PPP4R1: variants seen among roughly 807,000 people sequenced by gnomAD.
PPP4R1 encodes the protein protein phosphatase 4 regulatory subunit 1.
Under a neutral mutation model 111.2 loss-of-function variants are expected in PPP4R1, and 42 were observed. The observed-to-expected ratio is 0.38, with a 90% CI of 0.29 to 0.49. PPP4R1 has a LOEUF of 0.49. Ranked by LOEUF, PPP4R1 falls within the 20% of genes least tolerant of loss-of-function variation. PPP4R1 has a pLI of 0.97. For synonymous variants in PPP4R1, 409 were observed against 405.5 expected (o/e 1.01, Z -0.10); for missense variants, 1,012 against 1,161.6 (o/e 0.87, Z 1.87).
rs145343338 is a variant in PPP4R1, at chr18:9,593,920, C to T, written c.189-46G>A. The T allele has an allele frequency of 3.6e-5, 52 of 1,459,774 alleles. No individual in the cohort carries two copies. The East Asian group carries it at 1.1e-3, about 32-fold the overall frequency. The allele number at this position is 1,459,774 out of a possible 1,614,324, so 90.4% of individuals were successfully genotyped here. On this transcript the variant is annotated intron_variant, in intron 3 of 19. Coordinates refer to ENST00000400556, the MANE Select transcript of PPP4R1 (RefSeq NM_001042388.3). ...TATGTATGTTCAATGGCATCAATAG[C>T]TAATATCCAGAATTTTAATTTTTTG...
intron 2 of PPP4R1, among the ~76,000 whole-genome samples, chr18:9,601,904 C>T (rs984646502): frequency 6.6e-6 from 1 of 152,146 alleles, no homozygotes; most frequent in African/African-American, 2.4e-5. Context: ...TGCTGCTAAA[C>T]ATAAACTAGG....
In PPP4R1 at chr18:9,601,355, C is replaced by T. The variant is rs145459434; in HGVS notation, c.53-6202G>A. On this transcript the variant is annotated intron_variant, in intron 2 of 19. Coordinates refer to ENST00000400556, the MANE Select transcript of PPP4R1 (RefSeq NM_001042388.3). ...CCTGGCCAACATGGTAAAACCCCTT[C>T]TCTACTAAAAATACAAAGAAATTAG... 1.0e-3 allele frequency among the ~76,000 whole-genome samples: 157 copies of T among 152,056 alleles called. 5 individuals carry two copies. In the East Asian group the frequency reaches 0.027, roughly 26 times the overall value.
intron 8 of PPP4R1, 73 bp from the exon 9 acceptor site, chr18:9,583,348 T>C: frequency 7.5e-7 from 1 of 1,332,448 alleles, no homozygotes. Context: ...GCTTTCATTT[T>C]CTGCTTTCAC....
chr18:9,612,927 T>A (rs114634538), intron 2 of PPP4R1, among the ~76,000 whole-genome samples: 1,582 of 152,284 alleles, frequency 0.01, 30 homozygotes, highest in African/African-American at 0.035. Context: ...TTTCAGATAA[T>A]CCATCTAAAT....
chr18:9,603,077 G>A (rs953042791), intron 2 of PPP4R1, among the ~76,000 whole-genome samples: 2 of 152,208 alleles, frequency 1.3e-5, no homozygotes, highest in African/African-American at 4.8e-5. Flanking sequence ...CAGAATATCT[G>A]TGTGTGGTTT....
At chr18:9,567,646 C>T (rs1270530441) in intron 11 of PPP4R1, among the ~76,000 whole-genome samples, 1 of 152,200 alleles carries the variant, frequency 6.6e-6, no homozygotes, top group Non-Finnish European at 1.5e-5. Context: ...TAGAATATTA[C>T]ATAAACCTAT....
At chr18:9,577,772 A>T (rs143448503) in intron 9 of PPP4R1, among the ~76,000 whole-genome samples, 3 of 152,350 alleles carry the variant, frequency 2.0e-5, no homozygotes, top group East Asian at 3.9e-4. Flanking sequence ...ATACTATGAA[A>T]CATTTGCATA....
At chr18:9,548,028 A>C in intron 19 of PPP4R1, 76 bp from the exon 20 acceptor site, 1 of 1,417,030 alleles carries the variant, frequency 7.1e-7, no homozygotes, top group Non-Finnish European at 9.7e-7. Context: ...GTACGAGTGT[A>C]AACAGTTAAA....
chr18:9,549,998 G>T, intron 18 of PPP4R1, 54 bp downstream of exon 18: 1 of 1,610,424 alleles, frequency 6.2e-7, no homozygotes, highest in Non-Finnish European at 8.5e-7. Context: ...AGTTAAAGAA[G>T]ACATTCTTCT....
intron 16 of PPP4R1, among the ~76,000 whole-genome samples, chr18:9,552,813 C>A (rs749893983): frequency 4.6e-5 from 7 of 152,142 alleles, no homozygotes; most frequent in Non-Finnish European, 8.8e-5. Flanking sequence ...TGGAATATTA[C>A]TCAACCACAA....
rs1044419396 is a variant in PPP4R1 at position 9,549,466 on chromosome 18, C to T, written c.2548-128G>A. 9 of 1,153,966 alleles carry T rather than the reference C, an allele frequency of 7.8e-6. No homozygotes were observed. In the East Asian group the frequency reaches 9.8e-5, roughly 13 times the overall value. 71.5% of individuals were successfully genotyped at this position (1,153,966 alleles called of 1,614,324 possible). ...TTATTGCTTTTTAACCAAAATTCCA[C>T]GTACTTGGGAACTCAAATCAAAAAT... On this transcript the variant is annotated intron_variant, in intron 18 of 19. Transcript: ENST00000400556.
intron 19 of PPP4R1, among the ~76,000 whole-genome samples, chr18:9,548,810 G>T (rs1298709886): frequency 6.6e-6 from 1 of 152,094 alleles, no homozygotes; most frequent in Non-Finnish European, 1.5e-5. Context: ...CCCAGCTACT[G>T]GGGAGGCTGA....
chr18:9,578,060 T>C (rs2066966299), intron 9 of PPP4R1, among the ~76,000 whole-genome samples: 2 of 152,192 alleles, frequency 1.3e-5, no homozygotes, highest in Non-Finnish European at 2.9e-5. Context: ...AAAGAAGTTA[T>C]AGAATTCCAC....
intron 2 of PPP4R1, among the ~76,000 whole-genome samples, chr18:9,596,112 G>A (rs1245664850): frequency 6.6e-6 from 1 of 152,038 alleles, no homozygotes; most frequent in African/African-American, 2.4e-5. Flanking sequence ...TACTAGCCAG[G>A]GCATTCAAGC....
At chr18:9,600,895 A>G (rs1273055931) in intron 2 of PPP4R1, among the ~76,000 whole-genome samples, 1 of 152,136 alleles carries the variant, frequency 6.6e-6, no homozygotes, top group Non-Finnish European at 1.5e-5. Flanking sequence ...AGAAAAAAGA[A>G]AAAAAGCTGG....
intron 13 of PPP4R1, among the ~76,000 whole-genome samples, 194 bp from the exon 14 acceptor site, chr18:9,559,798 T>C (rs1272099576): frequency 1.3e-5 from 2 of 152,094 alleles, no homozygotes; most frequent in African/African-American, 2.4e-5. Context: ...GGGAAACATA[T>C]ATGAACAAAT....
intron 12 of PPP4R1, among the ~76,000 whole-genome samples, chr18:9,562,764 C>A (rs538787551): frequency 1.5e-3 from 235 of 152,322 alleles, no homozygotes; most frequent in African/African-American, 5.3e-3. Context: ...TTCTGGCAAT[C>A]GGTGGTGCAT....
In PPP4R1 at chr18:9,593,838, C is replaced by T; in HGVS notation, c.225G>A (p.Arg75=). Residue 75 remains arginine, a synonymous_variant, in exon 4 of 20, where the codon AGG becomes AGA. Coordinates refer to ENST00000400556, the MANE Select transcript of PPP4R1 (RefSeq NM_001042388.3). ...AATCTCTTTCATCATCGCAGACTTCCCTCAAGGTATCGAGCAAACTCCGGG... is the reference window on the plus strand; with the variant it reads ...AATCTCTTTCATCATCGCAGACTTCTCTCAAGGTATCGAGCAAACTCCGGG... ...MVARSLLDTL[R]EVCDDERDCI... 6.2e-7 allele frequency: 1 copy of T among 1,613,802 alleles called. No individual in the cohort carries two copies. The highest frequency in any genetic ancestry group is 8.5e-7 in the Non-Finnish European group (1 of 1,179,904).
chr18:9,578,818 A>G (rs181176163), intron 9 of PPP4R1, among the ~76,000 whole-genome samples: 206 of 152,312 alleles, frequency 1.4e-3, no homozygotes, highest in African/African-American at 4.8e-3. Flanking sequence ...ACGAAACATT[A>G]TGGAAACATT....
Sources: allele counts gnomAD v4.1 joint callset (sites outside exome capture counted in the v4.1 genomes callset), GRCh38; gene constraint gnomAD v4.1.1; transcripts MANE v1.5; gene names NCBI Gene and HGNC (gene_info 2026-07-23, HGNC 2026-07-21).